Variants in ANKRD10 observed in about 807,000 individuals in gnomAD.
ANKRD10 encodes the protein ankyrin repeat domain-containing protein 10.
A neutral mutation model predicts 27.0 loss-of-function variants in ANKRD10; 14 were observed. The ratio of observed to expected loss-of-function variants is 0.52; its 90% CI spans 0.34 to 0.81. ANKRD10 has a LOEUF of 0.81. Among genes scored for constraint, ANKRD10 ranks in the 40% least tolerant of loss-of-function variants. The pLI is 0.01. For synonymous variants in ANKRD10, 250 were observed against 224.5 expected (o/e 1.11, Z -1.01); for missense variants, 493 against 544.0 (o/e 0.91, Z 0.93).
intron 5 of ANKRD10, among the ~76,000 whole-genome samples, chr13:110,882,760 C>T (rs933235333): frequency 2.0e-5 from 3 of 152,132 alleles, no homozygotes; most frequent in Non-Finnish European, 4.4e-5. Context: ...GAAAGATGAA[C>T]ACATTTTCTT....
intron 3 of ANKRD10, among the ~76,000 whole-genome samples, chr13:110,895,557 A>T (rs954381136): frequency 2.0e-5 from 3 of 152,230 alleles, no homozygotes; most frequent in African/African-American, 7.2e-5. Context: ...ACTGCACTCC[A>T]GCCTGGGCAA....
chr13:110,894,257 T>C (rs751535183), intron 3 of ANKRD10: 314 of 1,206,480 alleles, frequency 2.6e-4, no homozygotes, highest in Admixed American at 4.8e-4. Context: ...ACGGGAGAAG[T>C]ACTTAACAGC....
intron 4 of ANKRD10, chr13:110,892,676 T>A (rs377658253): frequency 1.4e-5 from 10 of 735,312 alleles, no homozygotes; most frequent in East Asian, 1.3e-4. Flanking sequence ...AGAAGCAAAT[T>A]AAAAAAAAAA....
chr13:110,889,461 A>G (rs999461391), intron 4 of ANKRD10, among the ~76,000 whole-genome samples: 12 of 152,180 alleles, frequency 7.9e-5, no homozygotes, highest in Non-Finnish European at 1.3e-4. Flanking sequence ...ACTGCATTTG[A>G]CACAGATGCA....
At chr13:110,906,430 T>G (rs1566489231) in intron 2 of ANKRD10, among the ~76,000 whole-genome samples, 1 of 151,060 alleles carries the variant, frequency 6.6e-6, no homozygotes, top group Non-Finnish European at 1.5e-5. Flanking sequence ...GTGTTTTATA[T>G]AAACCCAGAA....
intron 3 of ANKRD10, among the ~76,000 whole-genome samples, chr13:110,897,000 C>T (rs553056404): frequency 4.6e-5 from 7 of 151,906 alleles, no homozygotes; most frequent in Non-Finnish European, 2.9e-5. Flanking sequence ...AAAAAACCAG[C>T]ATAATTGCAT....
intron 1 of ANKRD10, among the ~76,000 whole-genome samples, chr13:110,913,210 A>C (rs1398944288): frequency 6.6e-6 from 1 of 152,188 alleles, no homozygotes; most frequent in Non-Finnish European, 1.5e-5. Flanking sequence ...ATCACCCAGT[A>C]TTGTGTCGTT....
chr13:110,883,102 A>C (rs907757595), intron 5 of ANKRD10: 2 of 152,274 alleles, frequency 1.3e-5, no homozygotes, highest in Admixed American at 6.5e-5. Flanking sequence ...TGTGAAACAC[A>C]GTGTTTACCA....
chr13:110,905,470 C>T (rs1263215562), intron 3 of ANKRD10, among the ~76,000 whole-genome samples: 2 of 152,206 alleles, frequency 1.3e-5, no homozygotes, highest in African/African-American at 2.4e-5. Flanking sequence ...CAGAAGCTTA[C>T]AGCAAGCTTG....
At chr13:110,888,493 CAGTG>C (rs1038255546) in intron 4 of ANKRD10, among the ~76,000 whole-genome samples, 98 of 152,200 alleles carry the variant, frequency 6.4e-4, no homozygotes, top group African/African-American at 2.2e-3. Context: ...AATTTGAAAA[CAGTG>C]AGGACGTCAG....
intron 3 of ANKRD10, among the ~76,000 whole-genome samples, chr13:110,897,535 C>T (rs1250021757): frequency 1.3e-5 from 2 of 151,990 alleles, no homozygotes; most frequent in African/African-American, 4.8e-5. Flanking sequence ...CTGAGAATAA[C>T]AGAATTTTGT....
At chr13:110,882,632 G>T (rs796451287) in intron 5 of ANKRD10, among the ~76,000 whole-genome samples, 19 of 152,304 alleles carry the variant, frequency 1.2e-4, no homozygotes, top group African/African-American at 4.6e-4. Context: ...TTTTGTTATG[G>T]ATCTTTAGCT....
intron 4 of ANKRD10, 134 bp downstream of exon 4, chr13:110,892,894 C>T (rs1249807056): frequency 1.1e-5 from 16 of 1,454,944 alleles, no homozygotes; most frequent in Non-Finnish European, 1.4e-5. Flanking sequence ...TCTCCACCGT[C>T]ACCGCACAAT....
chr13:110,912,915 G>A (rs1295818791), intron 1 of ANKRD10, among the ~76,000 whole-genome samples: 1 of 152,176 alleles, frequency 6.6e-6, no homozygotes, highest in Non-Finnish European at 1.5e-5. Context: ...AGACCAAAGA[G>A]CCCTATGATT....
intron 4 of ANKRD10, 157 bp downstream of exon 4, chr13:110,892,871 A>C: frequency 7.0e-7 from 1 of 1,430,158 alleles, no homozygotes; most frequent in Non-Finnish European, 9.1e-7. Flanking sequence ...TCGCAGTGGC[A>C]GTACAGGAGA....
intron 3 of ANKRD10, chr13:110,904,993 T>G (rs2065489478): frequency 6.6e-6 from 1 of 152,120 alleles, no homozygotes; most frequent in Admixed American, 6.5e-5. Context: ...TAATACAGAG[T>G]CAAAGCAATG....
At position 110,897,029 on chromosome 13, in the gene ANKRD10, T is replaced by C. The variant is rs185436508; in HGVS notation, c.456-3766A>G. On this transcript the variant is annotated intron_variant, in intron 3 of 5. Transcript: ENST00000267339. ...ATTGCATATGCATCACCTCAAACAC[T>C]TTCCATTTGTACTGAATTAGCCATA... Among the ~76,000 whole-genome samples the C allele has an allele frequency of 5.0e-4, 76 of 152,270 alleles. No homozygotes were observed. In the East Asian group the frequency reaches 0.012, roughly 23 times the overall value.
chr13:110,891,932 C>T lies in ANKRD10; in HGVS notation c.691+1096G>A, dbSNP rs1363863867. Among the ~76,000 whole-genome samples the T allele has an allele frequency of 9.8e-5, 14 of 143,184 alleles. No homozygotes were observed. The East Asian group carries it at 1.2e-3, about 13-fold the overall frequency. 93.9% of individuals were successfully genotyped at this position (143,184 alleles called of 152,430 possible). On this transcript the variant is annotated intron_variant, in intron 4 of 5. Transcript: ENST00000267339. ...CTCACTATGTTGCCCAGGCTGGTCT[C>T]GAACTCCTGAGCTCAAGTAATCCTC...
At chr13:110,914,650 C>A in intron 1 of ANKRD10, 75 bp downstream of exon 1, 1 of 1,480,408 alleles carries the variant, frequency 6.8e-7, no homozygotes, top group Non-Finnish European at 9.0e-7. Context: ...CCACGTCCCC[C>A]GCACCTCAGA....
Sources: allele counts gnomAD v4.1 joint callset (sites outside exome capture counted in the v4.1 genomes callset), GRCh38; gene constraint gnomAD v4.1.1; transcripts MANE v1.5; gene names NCBI Gene and HGNC (gene_info 2026-07-23, HGNC 2026-07-21).